HIPK3: variants seen among roughly 807,000 people sequenced by gnomAD.
The protein encoded by HIPK3 is homeodomain-interacting protein kinase 3.
In HIPK3, 47 loss-of-function variants were observed where a neutral mutation model predicts 124.2. The observed-to-expected ratio is 0.38, with a 90% confidence interval of 0.30 to 0.48. HIPK3 has a LOEUF of 0.48. HIPK3 is among the 20% of genes least tolerant of loss of function. The pLI is 0.98. For missense variants in HIPK3, 1,286 were observed against 1,454.3 expected (o/e 0.88, Z 1.88); for synonymous variants, 482 against 515.2 (o/e 0.94, Z 0.87).
rs1475307327 is a variant in HIPK3 at position 33,353,428 on chromosome 11, C to A, written c.3508C>A (p.Pro1170Thr). The stretch of plus-strand genomic sequence containing the variant: ...TCACCAAGTCCCAGTGGGCTTAAAT[C>A]CCCGTCTGTTACCATCCCCAACCAT... ...IVHQVPVGLN[P>T]RLLPSPTIHQ... The change falls in exon 17 of 17, where the codon CCC becomes ACC. Residue 1170 changes from proline (P) to threonine (T), a missense_variant. This residue lies in a region of HIPK3 where 810 missense variants were observed against 864.9 expected (regional missense o/e 0.94). Transcript: ENST00000303296. 6.2e-7 allele frequency: 1 copy of A among 1,613,984 alleles called. No homozygotes were observed. Among genetic ancestry groups the A allele is most frequent in the Admixed American group, 1.7e-5 (1 of 60,012 alleles).
At chr11:33,272,611 T>C (rs1324930876) in intron 1 of HIPK3, among the ~76,000 whole-genome samples, 1 of 152,064 alleles carries the variant, frequency 6.6e-6, no homozygotes, top group Non-Finnish European at 1.5e-5. Flanking sequence ...CTTTCCTTTT[T>C]CCTTTTTTCT....
At chr11:33,331,236 T>A (rs1262840221) in intron 3 of HIPK3, among the ~76,000 whole-genome samples, 1 of 152,154 alleles carries the variant, frequency 6.6e-6, no homozygotes, top group Non-Finnish European at 1.5e-5. Flanking sequence ...TTGACTTTCA[T>A]AGATTTTCCC....
intron 1 of HIPK3, among the ~76,000 whole-genome samples, chr11:33,282,160 G>A (rs895963183): frequency 1.3e-5 from 2 of 152,170 alleles, no homozygotes; most frequent in Non-Finnish European, 2.9e-5. Context: ...AAGTCAGGAG[G>A]AGGATTGCTT....
Position 33,353,340 on chromosome 11 carries a change from G to A in HIPK3, c.3420G>A (p.Pro1140=), listed in dbSNP as rs769645394. 39 of 1,613,900 alleles carry A rather than the reference G, an allele frequency of 2.4e-5. No homozygotes were observed. Among genetic ancestry groups the A allele is most frequent in the East Asian group, 1.3e-4 (6 of 44,896 alleles). ...CAGTGGCCCACCTGTTAGCCTCTCC[G>A]TGTACCTCAAGACCTATGTTACAGC... ...AAPVAHLLAS[P]CTSRPMLQHP... The change falls in exon 17 of 17, where the codon CCG becomes CCA. Residue 1140 remains proline, a synonymous_variant. Transcript: ENST00000303296.
At chr11:33,349,120 A>T in intron 13 of HIPK3, 27 bp from the exon 14 acceptor site, 1 of 1,602,134 alleles carries the variant, frequency 6.2e-7, no homozygotes. Flanking sequence ...TATTTGACTC[A>T]TGTTTTTCCC....
intron 2 of HIPK3, among the ~76,000 whole-genome samples, chr11:33,290,872 A>G (rs1383546931): frequency 6.6e-6 from 1 of 152,154 alleles, no homozygotes; most frequent in Non-Finnish European, 1.5e-5. Context: ...TTTCAGGTAA[A>G]TAATTTACCC....
chr11:33,278,018 A>G (rs938115274), intron 1 of HIPK3, among the ~76,000 whole-genome samples: 1 of 152,134 alleles, frequency 6.6e-6, no homozygotes, highest in African/African-American at 2.4e-5. Flanking sequence ...GCTTATCTTT[A>G]TTTCAGGTAT....
At position 33,347,747 on chromosome 11, in the gene HIPK3, A is replaced by G. The variant is rs1189054254; in HGVS notation, c.2138A>G (p.Asp713Gly). Reference protein sequence around the residue: ...ESVAGSHRLGDWGKMISCSNH... With the variant: ...ESVAGSHRLGGWGKMISCSNH... ...GTGGCTGGTTCACACAGGCTTGGAGACTGGGGGTAAGCTGAAAACAAAAGT... is the reference window on the plus strand; with the variant it reads ...GTGGCTGGTTCACACAGGCTTGGAGGCTGGGGGTAAGCTGAAAACAAAAGT... The change falls in exon 10 of 17, where the codon GAC (aspartate) becomes GGC (glycine). Residue 713 changes from aspartate to glycine, a missense_variant. By Grantham distance (94) the Asp-to-Gly change is moderately conservative. This residue lies in a region of HIPK3 where 810 missense variants were observed against 864.9 expected (regional missense o/e 0.94). Transcript: ENST00000303296. 6.2e-7 allele frequency: 1 copy of G among 1,613,210 alleles called. No individual in the cohort carries two copies. The highest frequency in any genetic ancestry group is 8.5e-7 in the Non-Finnish European group (1 of 1,179,362).
At chr11:33,337,845 TGTATTTTTA>T (rs888839192) in intron 4 of HIPK3, among the ~76,000 whole-genome samples, 10 of 151,862 alleles carry the variant, frequency 6.6e-5, no homozygotes, top group African/African-American at 1.9e-4. Flanking sequence ...GGCTAATTTT[TGTATTTTTA>T]GTAGAGACAG....
intron 1 of HIPK3, among the ~76,000 whole-genome samples, chr11:33,275,135 G>GA: frequency 6.6e-6 from 1 of 152,040 alleles, no homozygotes; most frequent in African/African-American, 2.4e-5. Flanking sequence ...CGCCTCTCGA[G>GA]CTCAAGTGAT....
chr11:33,351,947 A>G, intron 15 of HIPK3, 104 bp downstream of exon 15: 2 of 1,078,328 alleles, frequency 1.9e-6, no homozygotes, highest in South Asian at 3.0e-5. Flanking sequence ...TTTTGACTTG[A>G]CCCTGCCTTA....
Position 33,351,604 on chromosome 11 carries a change from G to A in HIPK3, c.2808-4G>A. 1 of 1,605,710 alleles carries A rather than the reference G, an allele frequency of 6.2e-7. No homozygotes were observed. Among genetic ancestry groups the A allele is most frequent in the East Asian group, 2.2e-5 (1 of 44,838 alleles). ...CACTCATAAAAAATGCTTTCTTTTT[G>A]TAGTATGTCAGATGAAGAGCAAGAA... On this transcript the variant is annotated splice_region_variant and splice_polypyrimidine_tract_variant and intron_variant, in intron 14 of 16. Transcript: ENST00000303296.
In HIPK3 at chr11:33,356,544, T is replaced by G. The variant is rs1465179347; in HGVS notation, c.*2976T>G. The G allele has an allele frequency of 6.6e-6, 1 of 152,100 alleles. No homozygotes were observed. The highest frequency in any genetic ancestry group is 2.1e-4 in the South Asian group (1 of 4,838). The allele number at this position is 152,100 out of a possible 1,614,324, so 9.4% of individuals were successfully genotyped here. A position where few individuals can be genotyped will look rare whatever the true frequency, so the allele number is the denominator to read the frequency against. On this transcript the variant is annotated 3_prime_UTR_variant, in exon 17 of 17. Coordinates refer to ENST00000303296, the MANE Select transcript of HIPK3 (RefSeq NM_005734.5). The stretch of plus-strand genomic sequence containing the variant: ...CCTCCAGCGTGTTTAATTAAATATG[T>G]TACTGTATTAGCAAAACATTTTCAT...
chr11:33,273,277 G>C (rs1851184518), intron 1 of HIPK3, among the ~76,000 whole-genome samples: 2 of 152,018 alleles, frequency 1.3e-5, no homozygotes, highest in Admixed American at 1.3e-4. Context: ...GGCCGAGGCG[G>C]GCAGATCACG....
intron 1 of HIPK3, among the ~76,000 whole-genome samples, chr11:33,283,951 A>C (rs1480584503): frequency 1.3e-5 from 2 of 152,212 alleles, no homozygotes; most frequent in Non-Finnish European, 2.9e-5. Flanking sequence ...CTGGGAATAC[A>C]GGCATGAGCC....
chr11:33,260,584 A>G (rs866283072), intron 1 of HIPK3, among the ~76,000 whole-genome samples: 1 of 152,214 alleles, frequency 6.6e-6, no homozygotes, highest in African/African-American at 2.4e-5. Context: ...TTTCATAGCA[A>G]CAGTTTACCA....
At chr11:33,326,703 G>A (rs1258361766) in intron 2 of HIPK3, among the ~76,000 whole-genome samples, 3 of 151,358 alleles carry the variant, frequency 2.0e-5, no homozygotes, top group Non-Finnish European at 4.4e-5. Context: ...ACAGAGCCTG[G>A]CTCTGTCCCT....
At chr11:33,279,939 C>T (rs929920140) in intron 1 of HIPK3, among the ~76,000 whole-genome samples, 3 of 152,094 alleles carry the variant, frequency 2.0e-5, no homozygotes, top group East Asian at 1.9e-4. Flanking sequence ...ATAGAGCCCT[C>T]GTGATCTACA....
Position 33,348,199 on chromosome 11 carries a change from A to T in HIPK3, c.2340A>T (p.Pro780=), listed in dbSNP as rs149837587. Residue 780 remains proline, a synonymous_variant, in exon 12 of 17, where the codon CCA becomes CCT. Transcript: ENST00000303296. ...GILVKLMEWE[P]GREEINAFSW... ...TGGTAAAACTAATGGAATGGGAGCCAGGAAGAGAGGAAATAAATGCTTTCA... is the reference window on the plus strand; with the variant it reads ...TGGTAAAACTAATGGAATGGGAGCCTGGAAGAGAGGAAATAAATGCTTTCA... The T allele has an allele frequency of 7.4e-5, 120 of 1,613,998 alleles. No homozygotes were observed. In the Admixed American group the frequency reaches 7.8e-4, roughly 11 times the overall value.
Sources: gnomAD v4.1 joint callset for allele counts (sites outside exome capture counted in the v4.1 genomes callset) on GRCh38, gnomAD v4.1.1 for gene constraint, gnomAD v4.1.1 regional missense constraint, MANE v1.5 for transcripts, NCBI Gene and HGNC (gene_info 2026-07-23, HGNC 2026-07-21) for gene names.